Variants in GRM7 observed in about 807,000 individuals in gnomAD.
The protein encoded by GRM7 is metabotropic glutamate receptor 7.
Under a neutral mutation model 84.5 loss-of-function variants are expected in GRM7, and 35 were observed. The ratio of observed to expected loss-of-function variants is 0.41; its 90% CI spans 0.32 to 0.55. The LOEUF (loss-of-function observed/expected upper bound fraction) is 0.55, where lower values mean the gene tolerates loss of function less well. Among genes scored for constraint, GRM7 ranks in the 20% least tolerant of loss-of-function variants. The pLI is 0.19. For missense variants in GRM7, 1,003 were observed against 1,194.6 expected, an observed-to-expected ratio of 0.84 and a Z score of 2.36; for synonymous variants, 487 against 455.1, an observed-to-expected ratio of 1.07 and a Z score of -0.89.
chr3:7,173,027 A>G (rs2125089805), intron 2 of GRM7, among the ~76,000 whole-genome samples: 1 of 152,312 alleles, frequency 6.6e-6, no homozygotes, highest in African/African-American at 2.4e-5. Context: ...TTAACCTCAG[A>G]AGAGTCTTAT....
intron 2 of GRM7, among the ~76,000 whole-genome samples, chr3:7,224,657 C>G (rs1009876251): frequency 2.0e-5 from 3 of 152,140 alleles, no homozygotes; most frequent in African/African-American, 7.2e-5. Flanking sequence ...TCCTCCAAAC[C>G]ACTACTCATA....
chr3:6,975,884 A>G (rs1693971690), intron 1 of GRM7, among the ~76,000 whole-genome samples: 1 of 152,182 alleles, frequency 6.6e-6, no homozygotes, highest in South Asian at 2.1e-4. Context: ...GGAGAACATA[A>G]GGGCTAAAAT....
intron 8 of GRM7, among the ~76,000 whole-genome samples, chr3:7,665,293 T>C (rs1699645361): frequency 6.7e-6 from 1 of 149,238 alleles, no homozygotes; most frequent in Non-Finnish European, 1.5e-5. Context: ...TGCCTCAGCC[T>C]CCCGAGTAGC....
At chr3:7,435,403 A>G (rs2124858296) in intron 5 of GRM7, among the ~76,000 whole-genome samples, 1 of 152,116 alleles carries the variant, frequency 6.6e-6, no homozygotes, top group South Asian at 2.1e-4. Context: ...AGATCCACCC[A>G]CCGTGGCCTC....
At chr3:7,121,626 G>T (rs1693224553) in intron 1 of GRM7, among the ~76,000 whole-genome samples, 1 of 152,020 alleles carries the variant, frequency 6.6e-6, no homozygotes, top group East Asian at 1.9e-4. Flanking sequence ...CTAATTGAAA[G>T]ATTAACTCAT....
intron 1 of GRM7, among the ~76,000 whole-genome samples, chr3:6,901,669 T>C (rs2125004472): frequency 6.7e-6 from 1 of 148,592 alleles, no homozygotes; most frequent in East Asian, 2.0e-4. Flanking sequence ...AGAAATCTTT[T>C]CATTTTTTTC....
At chr3:7,266,796 C>A (rs1698658397) in intron 2 of GRM7, among the ~76,000 whole-genome samples, 1 of 152,110 alleles carries the variant, frequency 6.6e-6, no homozygotes, top group South Asian at 2.1e-4. Context: ...ATCACATTTG[C>A]TTTTTAAATT....
Position 7,059,532 on chromosome 3 carries a change from T to C in GRM7, c.520-86920T>C, listed in dbSNP as rs116154343. On this transcript the variant is annotated intron_variant, in intron 1 of 9. Transcript: ENST00000357716. ...ATTAGTCTAAATCTTCCAAAGAAAA[T>C]TGCTAGAGATCTTGAAAGGTAACCT... Among the ~76,000 whole-genome samples, 1,283 of 151,914 alleles carry C rather than the reference T, an allele frequency of 8.4e-3. 23 individuals carry two copies. Among genetic ancestry groups the C allele is most frequent in the African/African-American group, 0.029 (1,223 of 41,508 alleles).
chr3:7,541,673 A>G (rs574354832), intron 7 of GRM7, among the ~76,000 whole-genome samples: 8 of 152,272 alleles, frequency 5.3e-5, no homozygotes, highest in East Asian at 1.9e-4. Context: ...CCTTAATCCA[A>G]TCGACGATCT....
intron 1 of GRM7, among the ~76,000 whole-genome samples, chr3:6,913,717 G>A (rs776254969): frequency 6.6e-6 from 1 of 152,118 alleles, no homozygotes; most frequent in South Asian, 2.1e-4. Flanking sequence ...TTTAGAGTAC[G>A]CACAGTTTTA....
At chr3:7,710,766 T>C (rs1024255535) in intron 9 of GRM7, among the ~76,000 whole-genome samples, 8 of 152,158 alleles carry the variant, frequency 5.3e-5, no homozygotes, top group Non-Finnish European at 1.0e-4. Context: ...ATAAAACTCT[T>C]GAAAGATCTT....
chr3:7,328,797 A>AC (rs551995172), intron 4 of GRM7, among the ~76,000 whole-genome samples: 2 of 151,532 alleles, frequency 1.3e-5, no homozygotes, highest in Non-Finnish European at 2.9e-5. Flanking sequence ...CTCACAGGTG[A>AC]TTTTTTTTCT....
At chr3:7,126,954 T>C (rs1390215398) in intron 1 of GRM7, among the ~76,000 whole-genome samples, 1 of 152,204 alleles carries the variant, frequency 6.6e-6, no homozygotes, top group East Asian at 1.9e-4. Context: ...TTTTAAAAAG[T>C]TGAGTAAATT....
At chr3:7,019,634 C>G (rs1695703284) in intron 1 of GRM7, among the ~76,000 whole-genome samples, 1 of 152,138 alleles carries the variant, frequency 6.6e-6, no homozygotes, top group Non-Finnish European at 1.5e-5. Flanking sequence ...TGTAACAACT[C>G]TGAAATGCAT....
At chr3:7,415,540 T>C (rs1004315157) in intron 5 of GRM7, among the ~76,000 whole-genome samples, 1 of 152,128 alleles carries the variant, frequency 6.6e-6, no homozygotes, top group Non-Finnish European at 1.5e-5. Flanking sequence ...GTATACTTGA[T>C]TAAGGAAACA....
intron 4 of GRM7, among the ~76,000 whole-genome samples, chr3:7,392,266 T>C (rs1695032649): frequency 6.6e-6 from 1 of 152,190 alleles, no homozygotes; most frequent in South Asian, 2.1e-4. Flanking sequence ...TCTGGCTGCA[T>C]GTCTGGCCAC....
At chr3:7,109,020 G>A (rs1056375174) in intron 1 of GRM7, among the ~76,000 whole-genome samples, 3 of 151,962 alleles carry the variant, frequency 2.0e-5, no homozygotes, top group Non-Finnish European at 2.9e-5. Context: ...AATTCTTTCG[G>A]GATGGAGTAA....
At chr3:7,684,040 A>G (rs1246785941) in intron 9 of GRM7, among the ~76,000 whole-genome samples, 2 of 152,248 alleles carry the variant, frequency 1.3e-5, no homozygotes, top group Non-Finnish European at 2.9e-5. Flanking sequence ...CATCATAGAC[A>G]GCAATGACAT....
chr3:7,108,151 A>C (rs893892228), intron 1 of GRM7, among the ~76,000 whole-genome samples: 1 of 152,190 alleles, frequency 6.6e-6, no homozygotes, highest in South Asian at 2.1e-4. Context: ...TACCTTCATA[A>C]GTAAGTGCTG....
Sources: allele counts gnomAD v4.1 joint callset (sites outside exome capture counted in the v4.1 genomes callset), GRCh38; gene constraint gnomAD v4.1.1; transcripts MANE v1.5; gene names NCBI Gene and HGNC (gene_info 2026-07-23, HGNC 2026-07-21).